The following FCER2 variants were observed in gnomAD, a reference collection of about 807,000 sequenced individuals.
FCER2 encodes the protein Fc epsilon receptor II.
In FCER2, 38 loss-of-function variants were observed where a neutral mutation model predicts 49.7. The ratio of observed to expected loss-of-function variants is 0.76; its 90% confidence interval spans 0.59 to 1.00. The LOEUF (loss-of-function observed/expected upper bound fraction) is 1.00, where lower values mean the gene tolerates loss of function less well. FCER2 is among the 50% of genes least tolerant of loss of function. The probability of loss-of-function intolerance (pLI) is 0.00; values close to 1 mark genes in which losing one functional copy is unlikely to be tolerated. For missense variants in FCER2, 425 were observed against 419.5 expected, an observed-to-expected ratio of 1.01 and a Z score of -0.11; for synonymous variants, 163 against 164.6, an observed-to-expected ratio of 0.99 and a Z score of 0.07.
At chr19:7,694,208 A>G (rs1040799418) in intron 8 of FCER2, among the ~76,000 whole-genome samples, 6 of 152,176 alleles carry the variant, frequency 3.9e-5, no homozygotes, top group African/African-American at 1.4e-4. Flanking sequence ...GCGTTAAAAC[A>G]GGAAGAGGTG....
intron 8 of FCER2, among the ~76,000 whole-genome samples, chr19:7,690,956 C>T (rs553381932): frequency 1.2e-4 from 19 of 152,224 alleles, no homozygotes; most frequent in African/African-American, 4.6e-4. Context: ...ACACTTCAAC[C>T]ACCATCACCA....
chr19:7,691,935 C>T lies in FCER2; in HGVS notation c.470-1378G>A, dbSNP rs538507053. Among the ~76,000 whole-genome samples the T allele has an allele frequency of 6.0e-5, 9 of 151,012 alleles. No individual in the cohort carries two copies. In the South Asian group the frequency reaches 6.3e-4, roughly 11 times the overall value. On this transcript the variant is annotated intron_variant, in intron 8 of 10. Transcript: ENST00000597921. ...CTATCACCACAAATACATTCATGTC[C>T]AACAACACATCAACTACCAACACCA...
chr19:7,701,179 G>A (rs564629836), intron 1 of FCER2, among the ~76,000 whole-genome samples: 1 of 152,300 alleles, frequency 6.6e-6, no homozygotes, highest in East Asian at 1.9e-4. Context: ...CAGGCCTGGA[G>A]GTCACGGGCT....
chr19:7,697,110 G>A, intron 6 of FCER2, 35 bp from the exon 7 acceptor site: 1 of 1,613,148 alleles, frequency 6.2e-7, no homozygotes, highest in East Asian at 2.2e-5. Flanking sequence ...TGGTCTCAGG[G>A]AGGATGTGTA....
chr19:7,690,667 A>T (rs1411546776), intron 8 of FCER2, 110 bp from the exon 9 acceptor site: 1 of 1,095,980 alleles, frequency 9.1e-7, no homozygotes, highest in African/African-American at 1.6e-5. Flanking sequence ...TCCCGGCTAA[A>T]AGCAGACCCA....
At chr19:7,696,095 G>A (rs576226226) in intron 8 of FCER2, among the ~76,000 whole-genome samples, 75 of 151,082 alleles carry the variant, frequency 5.0e-4, no homozygotes, top group Non-Finnish European at 8.0e-4. Flanking sequence ...CACCACACCC[G>A]GTTAATTTTT....
intron 8 of FCER2, 102 bp downstream of exon 8, chr19:7,696,723 A>T: frequency 1.2e-6 from 1 of 813,414 alleles, no homozygotes; most frequent in Non-Finnish European, 2.0e-6. Context: ...AAACGTATAG[A>T]CATGCTGCCT....
In FCER2 at chr19:7,698,423, GAGA is replaced by G. The variant is rs778964922; in HGVS notation, c.137-17_137-15del. Reference sequence around the variant, plus strand: ...TGGTGTCCCAGTCTGGGGAGGGGGAGAGAAGAGGAGTGGAGAGGGGGGATTGTC... The same window carrying G: ...TGGTGTCCCAGTCTGGGGAGGGGGAGAGAGGAGTGGAGAGGGGGGATTGTC... On this transcript the variant is annotated splice_polypyrimidine_tract_variant and intron_variant, in intron 3 of 10. Coordinates refer to ENST00000597921, the MANE Select transcript of FCER2 (RefSeq NM_001220500.2). 3.1e-6 allele frequency: 5 copies of G among 1,603,700 alleles called. No individual in the cohort carries two copies. Among genetic ancestry groups the G allele is most frequent in the Non-Finnish European group, 3.4e-6 (4 of 1,173,054 alleles).
intron 1 of FCER2, 33 bp from the exon 2 acceptor site, chr19:7,699,878 C>T: frequency 1.0e-6 from 1 of 976,896 alleles, no homozygotes; most frequent in Non-Finnish European, 1.6e-6. Flanking sequence ...TTAGGGTGAG[C>T]CATCAAATCC....
intron 1 of FCER2, 132 bp from the exon 2 acceptor site, chr19:7,699,977 G>C: frequency 4.9e-6 from 3 of 608,464 alleles, no homozygotes; most frequent in Admixed American, 2.6e-5. Flanking sequence ...GGACTCACTA[G>C]CGTGGTTAGC....
At chr19:7,692,386 CCAA>C (rs1409664652) in intron 8 of FCER2, among the ~76,000 whole-genome samples, 2 of 147,708 alleles carry the variant, frequency 1.4e-5, no homozygotes, top group Non-Finnish European at 3.0e-5. Context: ...ACATCAACCA[CCAA>C]CACCTTTGCC....
At chr19:7,698,640 G>A (rs945969841) in intron 3 of FCER2, 101 bp downstream of exon 3, 1 of 1,502,480 alleles carries the variant, frequency 6.7e-7, no homozygotes, top group Non-Finnish European at 9.0e-7. Flanking sequence ...GGTTTTGAGA[G>A]GATGCGTTGG....
chr19:7,690,314 T>C, intron 9 of FCER2, 49 bp from the exon 10 acceptor site: 2 of 1,607,818 alleles, frequency 1.2e-6, no homozygotes, highest in Non-Finnish European at 8.5e-7. Context: ...GCCCGGGGCC[T>C]TCCAGCCCAC....
rs771903938 is a variant in FCER2 at position 7,690,484 on chromosome 19, G to A, written c.543C>T (p.Thr181=). The change falls in exon 9 of 11, where the codon ACC becomes ACT. Residue 181 remains threonine, a synonymous_variant. Transcript: ENST00000597921. ...CATACCGGGCGTGGACCCACTGCTT[G>A]GTGCCCTTGCCGAAGTAGTAGCACT... The part of the protein sequence containing the change: ...QRKCYYFGKG[T]KQWVHARYAC... 6.2e-7 allele frequency: 1 copy of A among 1,614,034 alleles called. No homozygotes were observed. The highest frequency in any genetic ancestry group is 1.1e-5 in the South Asian group (1 of 91,080).
intron 10 of FCER2, 29 bp downstream of exon 10, chr19:7,690,130 C>T: frequency 2.2e-6 from 3 of 1,390,726 alleles, no homozygotes; most frequent in Non-Finnish European, 3.1e-6. Flanking sequence ...TCCATCTCCT[C>T]CCCTGGATCC....
chr19:7,689,329 A>C lies in FCER2; in HGVS notation c.830T>G (p.Leu277Arg), dbSNP rs1257010890. The change falls in exon 11 of 11, where the codon CTG becomes CGG. Residue 277 changes from leucine to arginine, a missense_variant. Transcript: ENST00000597921. ...CAGCCGGTCGCACACCCAGGCGCCCAGCTTACGGTCGCAGAAGGCGTCGTT... is the reference window on the plus strand; with the variant it reads ...CAGCCGGTCGCACACCCAGGCGCCCCGCTTACGGTCGCAGAAGGCGTCGTT... Reference protein sequence around the residue: ...RWNDAFCDRKLGAWVCDRLAT... With the variant: ...RWNDAFCDRKRGAWVCDRLAT... 1 of 1,612,824 alleles carries C rather than the reference A, an allele frequency of 6.2e-7. No homozygotes were observed. Among genetic ancestry groups the C allele is most frequent in the Non-Finnish European group, 8.5e-7 (1 of 1,179,686 alleles).
Position 7,698,811 on chromosome 19 carries a change from A to C in FCER2, c.66T>G (p.Thr22=), listed in dbSNP as rs1265668584. ...TCACCAGCCCCAGCAGCACGATCTG[A>C]GTCCCACGCCTGCAACACCGCCTCC... The part of the protein sequence containing the change: ...LPRRRCCRRG[T]QIVLLGLVTA... The change falls in exon 3 of 11, where the codon ACT becomes ACG. Residue 22 remains threonine (T), a synonymous_variant. Coordinates refer to ENST00000597921, the MANE Select transcript of FCER2 (RefSeq NM_001220500.2). 1 of 1,612,044 alleles carries C rather than the reference A, an allele frequency of 6.2e-7. No homozygotes were observed. The highest frequency in any genetic ancestry group is 8.5e-7 in the Non-Finnish European group (1 of 1,179,366).
intron 1 of FCER2, among the ~76,000 whole-genome samples, chr19:7,701,046 G>A (rs542118923): frequency 1.3e-5 from 2 of 150,158 alleles, no homozygotes; most frequent in East Asian, 2.0e-4. Flanking sequence ...CTGACCACAG[G>A]TGATCTGCCC....
chr19:7,701,545 T>C (rs1006926946), intron 1 of FCER2, among the ~76,000 whole-genome samples: 1 of 151,934 alleles, frequency 6.6e-6, no homozygotes, highest in Non-Finnish European at 1.5e-5. Flanking sequence ...AGAGGGTAAG[T>C]CATTTGTCCC....
Sources: allele counts gnomAD v4.1 joint callset (sites outside exome capture counted in the v4.1 genomes callset), GRCh38; gene constraint gnomAD v4.1.1; transcripts MANE v1.5; gene names NCBI Gene and HGNC (gene_info 2026-07-23, HGNC 2026-07-21).